COL6A5: variants seen among roughly 807,000 people sequenced by gnomAD.
The protein encoded by COL6A5 is collagen alpha-5(VI) chain.
In COL6A5, 48 loss-of-function variants were observed where a neutral mutation model predicts 65.6. The ratio of observed to expected loss-of-function variants is 0.73; its 90% CI spans 0.58 to 0.93. The LOEUF (loss-of-function observed/expected upper bound fraction) is 0.93, where lower values mean the gene tolerates loss of function less well. Among genes scored for constraint, COL6A5 ranks in the 40% least tolerant of loss-of-function variants. The probability of loss-of-function intolerance (pLI) is 0.00; values close to 1 mark genes in which losing one functional copy is unlikely to be tolerated. For missense variants in COL6A5, 914 were observed against 928.3 expected (o/e 0.98, Z 0.20); for synonymous variants, 291 against 322.8 (o/e 0.90, Z 1.05).
chr3:130,369,577 A>G (rs1337343674), intron 1 of COL6A5, among the ~76,000 whole-genome samples: 2 of 152,220 alleles, frequency 1.3e-5, no homozygotes, highest in Non-Finnish European at 2.9e-5. Flanking sequence ...GCCATAGGTT[A>G]TAAAATAGAT....
chr3:130,394,991 A>G (rs1411054796), exon 8 of COL6A5: 2 of 1,551,518 alleles, frequency 1.3e-6, no homozygotes, highest in Non-Finnish European at 8.7e-7. Context: ...GTCAGACTTA[A>G]TCGATAATTT....
At chr3:130,476,535 C>T (rs1710102123) in intron 7 of COL6A5, among the ~76,000 whole-genome samples, 1 of 152,034 alleles carries the variant, frequency 6.6e-6, no homozygotes, top group South Asian at 2.1e-4. Context: ...AGCCCACACC[C>T]CATATCAATT....
chr3:130,356,073 A>C (rs1559854729), intron 1 of COL6A5, among the ~76,000 whole-genome samples: 1 of 152,082 alleles, frequency 6.6e-6, no homozygotes, highest in Admixed American at 6.6e-5. Context: ...TCTTTTTTTC[A>C]ACCAAGATTT....
At chr3:130,444,984 G>C (rs1314067668) in intron 4 of COL6A5, among the ~76,000 whole-genome samples, 1 of 152,140 alleles carries the variant, frequency 6.6e-6, no homozygotes, top group Non-Finnish European at 1.5e-5. Context: ...TGTGATGTTC[G>C]AGACTCACTA....
chr3:130,398,215 C>A, intron 10 of COL6A5, 104 bp downstream of exon 10: 1 of 765,606 alleles, frequency 1.3e-6, no homozygotes, highest in Non-Finnish European at 2.1e-6. Context: ...ACTGCAAGCT[C>A]CACCTTCTGG....
At chr3:130,438,277 G>A (rs1295952392) in intron 1 of COL6A5, among the ~76,000 whole-genome samples, 1 of 152,186 alleles carries the variant, frequency 6.6e-6, no homozygotes, top group African/African-American at 2.4e-5. Context: ...TTACAGGCAT[G>A]AGTCACCACG....
In COL6A5 at chr3:130,384,299, CA is replaced by C. The variant is rs1182164698; in HGVS notation, c.1301-503del. ...AGAAAAGCAGGAGACAAGATAAGGC[CA>C]AGTTTTAGTTTTTAAGTTCCAAATG... is the stretch of plus-strand genomic sequence containing the variant. On this transcript the variant is annotated intron_variant and NMD_transcript_variant, in intron 4 of 41. Coordinates refer to the COL6A5 transcript ENST00000312481. Among the ~76,000 whole-genome samples, 17 of 151,872 alleles carry C rather than the reference CA, an allele frequency of 1.1e-4. 1 individual carries two copies. Among genetic ancestry groups the C allele is most frequent in the Admixed American group, 1.1e-3 (17 of 15,218 alleles).
exon 30 of COL6A5, chr3:130,426,239 C>T: frequency 6.4e-7 from 1 of 1,551,288 alleles, no homozygotes; most frequent in Non-Finnish European, 8.7e-7. Context: ...GCAGGGCAGC[C>T]TGTATATTCT....
intron 1 of COL6A5, among the ~76,000 whole-genome samples, chr3:130,355,553 C>T (rs1934892497): frequency 2.0e-5 from 3 of 151,770 alleles, no homozygotes; most frequent in South Asian, 2.1e-4. Flanking sequence ...GAGATATATA[C>T]ACCTCTCAAA....
intron 4 of COL6A5, among the ~76,000 whole-genome samples, chr3:130,444,249 G>T (rs1559907250): frequency 1.3e-5 from 2 of 152,006 alleles, no homozygotes; most frequent in African/African-American, 4.8e-5. Flanking sequence ...TCTACAATTT[G>T]TGCAGTTAAC....
intron 1 of COL6A5, among the ~76,000 whole-genome samples, chr3:130,355,658 A>G (rs936996571): frequency 6.6e-6 from 1 of 152,122 alleles, no homozygotes; most frequent in African/African-American, 2.4e-5. Context: ...CATAAAGTTA[A>G]TGATTAATGA....
chr3:130,469,430 G>A, exon 6 of COL6A5: 1 of 1,612,918 alleles, frequency 6.2e-7, no homozygotes, highest in Non-Finnish European at 8.5e-7. Context: ...CCACAAGCCA[G>A]ATTGGAACTA....
chr3:130,350,337 A>G (rs1224456740), intron 1 of COL6A5, among the ~76,000 whole-genome samples: 2 of 152,134 alleles, frequency 1.3e-5, no homozygotes, highest in African/African-American at 4.8e-5. Context: ...AAGAAATAAA[A>G]GGTATTCAAT....
exon 4 of COL6A5, chr3:130,443,501 G>C (rs750306317): frequency 6.2e-7 from 1 of 1,610,714 alleles, no homozygotes; most frequent in Non-Finnish European, 8.5e-7. Context: ...ACCCACCACC[G>C]ATGCTTGAGG....
At chr3:130,447,775 G>A (rs1482504752) in intron 4 of COL6A5, among the ~76,000 whole-genome samples, 4 of 152,014 alleles carry the variant, frequency 2.6e-5, no homozygotes, top group Non-Finnish European at 5.9e-5. Flanking sequence ...AATTAACTCC[G>A]CCGTTTGAGC....
At position 130,409,847 on chromosome 3, in the gene COL6A5, T is replaced by A. The variant is rs141998040; in HGVS notation, c.4543-162T>A. Among the ~76,000 whole-genome samples the A allele has an allele frequency of 3.5e-3, 533 of 152,300 alleles. 2 individuals carry two copies. Among genetic ancestry groups the A allele is most frequent in the African/African-American group, 0.012 (513 of 41,574 alleles). On this transcript the variant is annotated intron_variant and NMD_transcript_variant, in intron 18 of 41. Coordinates refer to the COL6A5 transcript ENST00000312481. The stretch of plus-strand genomic sequence containing the variant: ...ATCTTCTTCAAACTTGAGGAAGTAC[T>A]GCTTTGATTTTTTCCAAAATCCTGT...
chr3:130,428,390 T>C (rs1370329732), upstream of COL6A5, among the ~76,000 whole-genome samples: 1 of 151,880 alleles, frequency 6.6e-6, no homozygotes, highest in Non-Finnish European at 1.5e-5. Flanking sequence ...GCTGAGACTG[T>C]CTTTGGAAAA....
At chr3:130,461,831 T>C (rs1053228209) in intron 5 of COL6A5, among the ~76,000 whole-genome samples, 1 of 151,886 alleles carries the variant, frequency 6.6e-6, no homozygotes, top group African/African-American at 2.4e-5. Flanking sequence ...ATAACTCCAT[T>C]AAAACCAACA....
In COL6A5 at chr3:130,447,093, A is replaced by C. The variant is rs191313425; in HGVS notation, c.1332+3527A>C. On this transcript the variant is annotated intron_variant, in intron 4 of 7. Transcript: ENST00000512836. ...TATGGGAAATTCCCCACTGTTGCAT[A>C]AATGAATCAAAAGCCTTACTAACAT... 3.9e-5 allele frequency among the ~76,000 whole-genome samples: 6 copies of C among 152,286 alleles called. No homozygotes were observed. In the East Asian group the frequency reaches 1.2e-3, roughly 29 times the overall value.
Sources: gnomAD v4.1 joint callset for allele counts (sites outside exome capture counted in the v4.1 genomes callset) on GRCh38, gnomAD v4.1.1 for gene constraint, MANE v1.5 for transcripts, NCBI Gene and HGNC (gene_info 2026-07-23, HGNC 2026-07-21) for gene names.